Variants in SDR9C7 observed in about 807,000 individuals in gnomAD.
The protein encoded by SDR9C7 is short-chain dehydrogenase/reductase family 9C member 7.
SDR9C7 carries 11 observed loss-of-function variants against 23.6 expected under a neutral mutation model. The ratio of observed to expected loss-of-function variants is 0.47; its 90% confidence interval spans 0.29 to 0.77. The LOEUF is 0.77. Ranked by LOEUF, SDR9C7 falls within the 30% of genes least tolerant of loss-of-function variation. SDR9C7 has a pLI of 0.09. For missense variants in SDR9C7, 387 were observed against 407.1 expected (o/e 0.95, Z 0.42); for synonymous variants, 167 against 157.3 (o/e 1.06, Z -0.46).
At chr12:56,931,577 C>T (rs1279992573) in intron 1 of SDR9C7, among the ~76,000 whole-genome samples, 1 of 152,114 alleles carries the variant, frequency 6.6e-6, no homozygotes, top group Non-Finnish European at 1.5e-5. Flanking sequence ...AGTCACTTCC[C>T]TCTCTGGGCC....
chr12:56,925,286 C>G lies in SDR9C7; in HGVS notation c.725-1236G>C, dbSNP rs373392456. Among the ~76,000 whole-genome samples, 70 of 152,220 alleles carry G rather than the reference C, an allele frequency of 4.6e-4. 1 individual carries two copies. The highest frequency in any genetic ancestry group is 1.6e-3 in the African/African-American group (67 of 41,546). ...TTCATGACATAAATGGGAGAAGGGC[C>G]ACACCACACACCCACCAGGCCCTCA... is the stretch of plus-strand genomic sequence containing the variant. On this transcript the variant is annotated intron_variant, in intron 3 of 3. Coordinates refer to ENST00000293502, the MANE Select transcript of SDR9C7 (RefSeq NM_148897.3).
chr12:56,923,594 C>A lies in SDR9C7; in HGVS notation c.*239G>T. Reference sequence around the variant, plus strand: ...GTGACAGACGTCCTTGGAGCTATTGCTGCAGATCGCTGAACCTGCAAAGAC... The same window carrying A: ...GTGACAGACGTCCTTGGAGCTATTGATGCAGATCGCTGAACCTGCAAAGAC... On this transcript the variant is annotated 3_prime_UTR_variant, in exon 4 of 4. Coordinates refer to ENST00000293502, the MANE Select transcript of SDR9C7 (RefSeq NM_148897.3). 1 of 401,276 alleles carries A rather than the reference C, an allele frequency of 2.5e-6. No homozygotes were observed. The highest frequency in any genetic ancestry group is 6.5e-5 in the South Asian group (1 of 15,424). 24.9% of individuals were successfully genotyped at this position (401,276 alleles called of 1,614,324 possible).
chr12:56,929,600 A>G (rs1955755427), intron 2 of SDR9C7, 47 bp from the exon 3 acceptor site: 1 of 1,582,256 alleles, frequency 6.3e-7, no homozygotes, highest in Non-Finnish European at 8.7e-7. Context: ...GATGACAATC[A>G]TCACGGAGAG....
intron 1 of SDR9C7, among the ~76,000 whole-genome samples, chr12:56,931,531 C>A (rs903830593): frequency 2.0e-5 from 3 of 152,138 alleles, no homozygotes; most frequent in Admixed American, 1.3e-4. Flanking sequence ...TGAAGAGCTT[C>A]AGGTCCAGTC....
intron 3 of SDR9C7, among the ~76,000 whole-genome samples, chr12:56,925,438 C>T (rs550111302): frequency 2.6e-5 from 4 of 152,252 alleles, no homozygotes; most frequent in Admixed American, 2.6e-4. Context: ...GGAGAGGAAG[C>T]CAAAGCTGCC....
intron 2 of SDR9C7, 115 bp from the exon 3 acceptor site, chr12:56,929,668 C>G: frequency 7.9e-7 from 1 of 1,263,094 alleles, no homozygotes; most frequent in Non-Finnish European, 1.1e-6. Context: ...CACCCCTGTA[C>G]TTGGCCCTGG....
intron 3 of SDR9C7, among the ~76,000 whole-genome samples, chr12:56,928,116 G>C (rs148271398): frequency 1.3e-5 from 2 of 152,254 alleles, no homozygotes; most frequent in African/African-American, 4.8e-5. Flanking sequence ...TCTTCAAGCT[G>C]TAAAGCTAAC....
chr12:56,927,636 C>T (rs1325750464), intron 3 of SDR9C7, among the ~76,000 whole-genome samples: 3 of 152,198 alleles, frequency 2.0e-5, no homozygotes, highest in Non-Finnish European at 4.4e-5. Context: ...CCATAAGGTC[C>T]TCCAAGTCGG....
At chr12:56,930,028 G>T (rs61678867) in intron 2 of SDR9C7, among the ~76,000 whole-genome samples, 198 bp downstream of exon 2, 1,702 of 152,238 alleles carry the variant, frequency 0.011, 35 homozygotes, top group African/African-American at 0.038. Context: ...CCCACCTGAT[G>T]CCTTGTATTT....
intron 1 of SDR9C7, among the ~76,000 whole-genome samples, chr12:56,930,687 C>T (rs560232474): frequency 6.6e-6 from 1 of 152,360 alleles, no homozygotes; most frequent in African/African-American, 2.4e-5. Context: ...CACATAAAGT[C>T]TGCCGGCTAG....
intron 1 of SDR9C7, among the ~76,000 whole-genome samples, chr12:56,933,162 C>T (rs781128699): frequency 6.6e-6 from 1 of 152,186 alleles, no homozygotes; most frequent in Non-Finnish European, 1.5e-5. Flanking sequence ...TCAACACCCA[C>T]CATGATGTCA....
At position 56,923,637 on chromosome 12, in the gene SDR9C7, G is replaced by A; in HGVS notation, c.*196C>T. 1 of 487,154 alleles carries A rather than the reference G, an allele frequency of 2.1e-6. No individual in the cohort carries two copies. Among genetic ancestry groups the A allele is most frequent in the Non-Finnish European group, 3.6e-6 (1 of 277,156 alleles). The allele number at this position is 487,154 out of a possible 1,614,324, so 30.2% of individuals were successfully genotyped here. On this transcript the variant is annotated 3_prime_UTR_variant, in exon 4 of 4. Coordinates refer to ENST00000293502, the MANE Select transcript of SDR9C7 (RefSeq NM_148897.3). ...GCAAAGACCACCTCAGGTTTCTGTG[G>A]GGTCCCAGAGGGTGGGAAGAGGCAT...
intron 3 of SDR9C7, among the ~76,000 whole-genome samples, chr12:56,928,838 A>G (rs1272819603): frequency 6.6e-6 from 1 of 152,162 alleles, no homozygotes; most frequent in African/African-American, 2.4e-5. Flanking sequence ...AAAGAAAGAG[A>G]GTTGCCTAGA....
intron 3 of SDR9C7, among the ~76,000 whole-genome samples, chr12:56,926,302 T>C (rs1298596386): frequency 6.6e-6 from 1 of 152,186 alleles, no homozygotes; most frequent in Non-Finnish European, 1.5e-5. Context: ...ACCAGAACCA[T>C]CAGGACTTAC....
intron 1 of SDR9C7, among the ~76,000 whole-genome samples, chr12:56,933,331 T>C (rs2052303548): frequency 6.6e-6 from 1 of 152,196 alleles, no homozygotes; most frequent in Non-Finnish European, 1.5e-5. Flanking sequence ...TTAGGACTGC[T>C]GAAACATCAG....
rs771135279 is a variant in SDR9C7, at chr12:56,934,264, G to A, written c.-3C>T. ...GAGAGGTCTGTGAGGGCCGCCATAG[G>A]GCAAGGGGAATGTGATGGCCAAGAG... On this transcript the variant is annotated 5_prime_UTR_variant, in exon 1 of 4. Coordinates refer to ENST00000293502, the MANE Select transcript of SDR9C7 (RefSeq NM_148897.3). The A allele has an allele frequency of 6.8e-6, 11 of 1,609,824 alleles. No homozygotes were observed. In the South Asian group the frequency reaches 1.1e-4, roughly 16 times the overall value.
intron 3 of SDR9C7, among the ~76,000 whole-genome samples, chr12:56,928,579 T>G (rs1266095311): frequency 2.6e-5 from 4 of 152,226 alleles, no homozygotes; most frequent in Admixed American, 2.6e-4. Context: ...CCACACAGGC[T>G]TGGGACATGG....
rs146906532 is a variant in SDR9C7 at position 56,929,484 on chromosome 12, G to A, written c.630C>T (p.Leu210=). The A allele has an allele frequency of 1.9e-4, 308 of 1,613,760 alleles. No homozygotes were observed. The African/African-American group carries it at 2.7e-3, about 14-fold the overall frequency. ...IEPGNYRTAI[L]GKENLESRMR... ...TGCGTGACTCCAGGTTCTCCTTGCC[G>A]AGAATGGCTGTCCGATAGTTCCCTG... is the stretch of plus-strand genomic sequence containing the variant. Residue 210 remains leucine (L), a synonymous_variant, in exon 3 of 4, where the codon CTC becomes CTT. Coordinates refer to ENST00000293502, the MANE Select transcript of SDR9C7 (RefSeq NM_148897.3).
At chr12:56,928,288 A>C (rs1028933082) in intron 3 of SDR9C7, among the ~76,000 whole-genome samples, 1 of 152,134 alleles carries the variant, frequency 6.6e-6, no homozygotes, top group African/African-American at 2.4e-5. Context: ...TTCCTGCAGA[A>C]AAAAAGTCCC....
Sources: gnomAD v4.1 joint callset for allele counts (sites outside exome capture counted in the v4.1 genomes callset) on GRCh38, gnomAD v4.1.1 for gene constraint, MANE v1.5 for transcripts, NCBI Gene and HGNC (gene_info 2026-07-23, HGNC 2026-07-21) for gene names.